The following ZNF296 variants were observed in gnomAD, a reference collection of about 807,000 sequenced individuals.
ZNF296 encodes zinc finger protein 342.
ZNF296 carries 1 observed loss-of-function variant against 13.2 expected under a neutral mutation model. The ratio of observed to expected loss-of-function variants is 0.08; its 90% CI spans 0.03 to 0.36. ZNF296 has a LOEUF of 0.36. ZNF296 is among the 10% of genes least tolerant of loss of function. The probability of loss-of-function intolerance (pLI) is 0.99; values close to 1 mark genes in which losing one functional copy is unlikely to be tolerated. For missense variants in ZNF296, 555 were observed against 688.2 expected, an observed-to-expected ratio of 0.81 and a Z score of 2.16; for synonymous variants, 303 against 289.0, an observed-to-expected ratio of 1.05 and a Z score of -0.49.
Position 45,071,657 on chromosome 19 carries a change from C to G in ZNF296, c.1372G>C (p.Ala458Pro). 1 of 1,551,018 alleles carries G rather than the reference C, an allele frequency of 6.4e-7. No individual in the cohort carries two copies. Among genetic ancestry groups the G allele is most frequent in the Non-Finnish European group, 8.7e-7 (1 of 1,150,478 alleles). Residue 458 changes from alanine to proline, a missense_variant, in exon 3 of 3, where the codon GCC (alanine) becomes CCC (proline). Physicochemically the swap from Ala to Pro is conservative, Grantham distance 27 (BLOSUM62 -1). This residue lies in a region of ZNF296 where 410 missense variants were observed against 548.0 expected (regional missense o/e 0.75). Coordinates refer to ENST00000303809, the MANE Select transcript of ZNF296 (RefSeq NM_145288.3). ...PHCHVPFGLR[A>P]TLDKHLRQKH... ...TGCCGCAGGTGTTTGTCCAGGGTGG[C>G]TCGCAGGCCGAAGGGCACATGGCAG...
At chr19:45,072,795 ACT>A (rs1186425766) in intron 2 of ZNF296, among the ~76,000 whole-genome samples, 5 of 110,468 alleles carry the variant, frequency 4.5e-5, no homozygotes, top group African/African-American at 1.6e-4. Flanking sequence ...AGACAGTCTC[ACT>A]GTCGCCCAGG....
Position 45,075,824 on chromosome 19 carries a change from T to C in ZNF296, c.337A>G (p.Thr113Ala), listed in dbSNP as rs760945622. ...AAGGTCTGCAGGCAGCGGCCGCAGG[T>C]CAACAGATCTGGGTGTTTGTCGGTC... ...PWTDKHPDLL[T>A]CGRCLQTFPL... Residue 113 changes from threonine (T) to alanine (A), a missense_variant, in exon 2 of 3, where the codon ACC becomes GCC. This residue lies in a region of ZNF296 where 410 missense variants were observed against 548.0 expected (regional missense o/e 0.75). Coordinates refer to ENST00000303809, the MANE Select transcript of ZNF296 (RefSeq NM_145288.3). 1.2e-6 allele frequency: 2 copies of C among 1,613,878 alleles called. No individual in the cohort carries two copies. Among genetic ancestry groups the C allele is most frequent in the Admixed American group, 1.7e-5 (1 of 59,986 alleles).
intron 2 of ZNF296, among the ~76,000 whole-genome samples, chr19:45,072,786 G>A (rs992846501): frequency 1.2e-5 from 1 of 84,358 alleles, no homozygotes; most frequent in African/African-American, 3.8e-5. Flanking sequence ...TTTTTTTTTA[G>A]ACAGTCTCAC....
rs1195062149 is a variant in ZNF296 at position 45,072,453 on chromosome 19, C to T, written c.576G>A (p.Pro192=). Residue 192 remains proline, a synonymous_variant, in exon 3 of 3, where the codon CCG becomes CCA. Transcript: ENST00000303809. ...LSIYQTESEA[P]EAPLLGLAEV... is the part of the protein sequence containing the mutation. ...CGGCCAGGCCCAGGAGCGGGGCCTC[C>T]GGGGCCTCTGATTCTGTCTGGTAGA... is the stretch of plus-strand genomic sequence containing the variant. The T allele has an allele frequency of 9.3e-6, 15 of 1,613,000 alleles. No individual in the cohort carries two copies. The highest frequency in any genetic ancestry group is 2.2e-5 in the East Asian group (1 of 44,876).
chr19:45,073,156 AAAT>A (rs1438097578), intron 2 of ZNF296, among the ~76,000 whole-genome samples: 1 of 152,176 alleles, frequency 6.6e-6, no homozygotes, highest in Non-Finnish European at 1.5e-5. Context: ...CAGGACAGGA[AAAT>A]AAGATCTCCA....
chr19:45,072,794 C>T (rs1397755646), intron 2 of ZNF296, among the ~76,000 whole-genome samples: 2 of 106,982 alleles, frequency 1.9e-5, no homozygotes, highest in African/African-American at 6.4e-5. Flanking sequence ...TAGACAGTCT[C>T]ACTGTCGCCC....
Position 45,072,449 on chromosome 19 carries a change from C to A in ZNF296, c.580G>T (p.Ala194Ser), listed in dbSNP as rs770971787. The A allele has an allele frequency of 6.2e-7, 1 of 1,612,822 alleles. No individual in the cohort carries two copies. Among genetic ancestry groups the A allele is most frequent in the African/African-American group, 1.3e-5 (1 of 74,912 alleles). Residue 194 changes from alanine to serine, a missense_variant, in exon 3 of 3, where the codon GCC (alanine) becomes TCC (serine). Ala to Ser is a moderately conservative substitution (Grantham distance 99). Transcript: ENST00000303809. The part of the protein sequence containing the change: ...IYQTESEAPE[A>S]PLLGLAEVAA... ...ACCTCGGCCAGGCCCAGGAGCGGGG[C>A]CTCCGGGGCCTCTGATTCTGTCTGG...
rs773166114 is a variant in ZNF296 at position 45,072,379 on chromosome 19, T to G, written c.650A>C (p.Lys217Thr). The change falls in exon 3 of 3, where the codon AAG (lysine) becomes ACG (threonine). Residue 217 changes from lysine to threonine, a missense_variant. Lys to Thr is a moderately conservative substitution (Grantham distance 78). Around this residue, in one of 3 missense-constraint regions of ZNF296, gnomAD observed 410 missense variants for 548.0 expected, o/e 0.75. Transcript: ENST00000303809. The part of the protein sequence containing the change: ...SAVVGPAAEA[K>T]SPRASGSGLT... Reference sequence around the variant, plus strand: ...GCCGCTGCCACTTGCACGGGGGCTCTTGGCCTCAGCTGCTGGCCCCACCAC... The same window carrying G: ...GCCGCTGCCACTTGCACGGGGGCTCGTGGCCTCAGCTGCTGGCCCCACCAC... 6.2e-7 allele frequency: 1 copy of G among 1,612,552 alleles called. No homozygotes were observed. The highest frequency in any genetic ancestry group is 8.5e-7 in the Non-Finnish European group (1 of 1,179,768).
chr19:45,075,569 G>A (rs1600126174), intron 2 of ZNF296, 144 bp downstream of exon 2: 2 of 558,316 alleles, frequency 3.6e-6, no homozygotes, highest in Non-Finnish European at 5.3e-6. Flanking sequence ...AGGACGGGCA[G>A]GCCCTGGCCA....
rs1397529218 is a variant in ZNF296, at chr19:45,073,557, C to T, written c.449-977G>A. Reference sequence around the variant, plus strand: ...CGATCTCCTGACCTCATGATCTGCCCGCCTCAGCCTCCCAAAGTGCTGGGA... The same window carrying T: ...CGATCTCCTGACCTCATGATCTGCCTGCCTCAGCCTCCCAAAGTGCTGGGA... On this transcript the variant is annotated intron_variant, in intron 2 of 2. Coordinates refer to ENST00000303809, the MANE Select transcript of ZNF296 (RefSeq NM_145288.3). Among the ~76,000 whole-genome samples the T allele has an allele frequency of 8.0e-5, 12 of 150,700 alleles. No homozygotes were observed. In the East Asian group the frequency reaches 1.4e-3, roughly 18 times the overall value.
Position 45,071,894 on chromosome 19 carries a change from C to G in ZNF296, c.1135G>C (p.Gly379Arg). The change falls in exon 3 of 3, where the codon GGC becomes CGC. Residue 379 changes from glycine to arginine, a missense_variant. This residue lies in a region of ZNF296 where 410 missense variants were observed against 548.0 expected (regional missense o/e 0.75). Transcript: ENST00000303809. ...ASPKKMPKSG[G>R]KSRGPGGSCE... ...CTGCCCCCGGGCCCGCGGCTCTTGC[C>G]CCCTGACTTGGGCATCTTTTTGGGT... The G allele has an allele frequency of 6.2e-7, 1 of 1,613,374 alleles. No individual in the cohort carries two copies. The highest frequency in any genetic ancestry group is 8.5e-7 in the Non-Finnish European group (1 of 1,180,008).
In ZNF296 at chr19:45,072,527, C is replaced by T. The variant is rs1967276144; in HGVS notation, c.502G>A (p.Val168Met). 1 of 1,613,508 alleles carries T rather than the reference C, an allele frequency of 6.2e-7. No homozygotes were observed. The highest frequency in any genetic ancestry group is 8.5e-7 in the Non-Finnish European group (1 of 1,179,846). ...SCLRCGKQFTVAWKLLRHAQW... is the reference protein window; with the variant it reads ...SCLRCGKQFTMAWKLLRHAQW... The stretch of plus-strand genomic sequence containing the variant: ...GCGTGACGCAGCAGCTTCCAGGCCA[C>T]TGTGAACTGTTTGCCACAGCGCAGG... The change falls in exon 3 of 3, where the codon GTG becomes ATG. Residue 168 changes from valine to methionine, a missense_variant. Physicochemically the swap from Val to Met is conservative, Grantham distance 21. This residue lies in a region of ZNF296 where 410 missense variants were observed against 548.0 expected (regional missense o/e 0.75). Transcript: ENST00000303809.
Position 45,071,558 on chromosome 19 carries a change from G to A in ZNF296, c.*43C>T, listed in dbSNP as rs747210172. ...GGCAAAAACGAGGAGGTCAATGGGT[G>A]TTGGCAGCGGTACCAGGGACAGTGA... On this transcript the variant is annotated 3_prime_UTR_variant, in exon 3 of 3. Transcript: ENST00000303809. 1.3e-6 allele frequency: 2 copies of A among 1,500,144 alleles called. No individual in the cohort carries two copies. Among genetic ancestry groups the A allele is most frequent in the Non-Finnish European group, 1.8e-6 (2 of 1,133,982 alleles). The allele number at this position is 1,500,144 out of a possible 1,614,324, so 92.9% of individuals were successfully genotyped here. A position where few individuals can be genotyped will look rare whatever the true frequency, so the allele number is the denominator to read the frequency against.
In ZNF296 at chr19:45,075,853, G is replaced by A. The variant is rs751557082; in HGVS notation, c.308C>T (p.Pro103Leu). 1.2e-5 allele frequency: 20 copies of A among 1,613,918 alleles called. No individual in the cohort carries two copies. The Admixed American group carries it at 3.2e-4, about 26-fold the overall frequency. ...CAGATCTGGGTGTTTGTCGGTCCAGGGCTGGCGGTCTGCAGGGAGGAAGCG... is the reference window on the plus strand; with the variant it reads ...CAGATCTGGGTGTTTGTCGGTCCAGAGCTGGCGGTCTGCAGGGAGGAAGCG... Reference protein sequence around the residue: ...PLTPNYPDRQPWTDKHPDLLT... With the variant: ...PLTPNYPDRQLWTDKHPDLLT... The change falls in exon 2 of 3, where the codon CCC (proline) becomes CTC (leucine). Residue 103 changes from proline (P) to leucine (L), a missense_variant. Around this residue, in one of 3 missense-constraint regions of ZNF296, gnomAD observed 410 missense variants for 548.0 expected, o/e 0.75. Transcript: ENST00000303809.
Position 45,072,596 on chromosome 19 carries a change from G to C in ZNF296, c.449-16C>G, listed in dbSNP as rs773775353. ...TCCTCTCGTTCTGGTAAGAAAAAGA[G>C]GCAGAGTGTTAGTGCGGACAGCTGC... On this transcript the variant is annotated splice_polypyrimidine_tract_variant and intron_variant, in intron 2 of 2. Coordinates refer to ENST00000303809, the MANE Select transcript of ZNF296 (RefSeq NM_145288.3). The C allele has an allele frequency of 1.7e-4, 271 of 1,579,478 alleles. No individual in the cohort carries two copies. In the African/African-American group the frequency reaches 3.3e-3, roughly 19 times the overall value.
Position 45,074,797 on chromosome 19 carries a change from T to C in ZNF296, c.448+916A>G, listed in dbSNP as rs938057343. On this transcript the variant is annotated intron_variant, in intron 2 of 2. Transcript: ENST00000303809. ...ACATAAGCGCTCAAACAGCAGAGCC[T>C]GTGAAACCAAGGTGCCCATGATTCT... 2.0e-5 allele frequency among the ~76,000 whole-genome samples: 3 copies of C among 152,200 alleles called. No homozygotes were observed. In the South Asian group the frequency reaches 6.2e-4, roughly 31 times the overall value.
At chr19:45,074,817 G>T (rs1967314562) in intron 2 of ZNF296, among the ~76,000 whole-genome samples, 5 of 152,146 alleles carry the variant, frequency 3.3e-5, no homozygotes, top group Admixed American at 3.3e-4. Context: ...AGGTGCCCAT[G>T]ATTCTCCAAG....
In ZNF296 at chr19:45,072,193, T is replaced by G; in HGVS notation, c.836A>C (p.Lys279Thr). The change falls in exon 3 of 3, where the codon AAG becomes ACG. Residue 279 changes from lysine (K) to threonine (T), a missense_variant. Lys to Thr is a moderately conservative substitution (Grantham distance 78). This residue lies in a region of ZNF296 where 410 missense variants were observed against 548.0 expected (regional missense o/e 0.75). Coordinates refer to ENST00000303809, the MANE Select transcript of ZNF296 (RefSeq NM_145288.3). ...CTGGGGCGGCACCTGCCGGTGGGTC[T>G]TCTTGTGGCGGTTGAGCTTGCTGCT... ...AQSSKLNRHKKTHRQVPPQSP... is the reference protein window; with the variant it reads ...AQSSKLNRHKTTHRQVPPQSP... 1 of 1,602,526 alleles carries G rather than the reference T, an allele frequency of 6.2e-7. No individual in the cohort carries two copies. The highest frequency in any genetic ancestry group is 8.5e-7 in the Non-Finnish European group (1 of 1,174,468).
rs781729127 is a variant in ZNF296, at chr19:45,076,113, C to T, written c.261G>A (p.Pro87=). 32 of 1,571,394 alleles carry T rather than the reference C, an allele frequency of 2.0e-5. No homozygotes were observed. In the South Asian group the frequency reaches 3.6e-4, roughly 18 times the overall value. Residue 87 remains proline (P), a synonymous_variant, in exon 1 of 3, where the codon CCG becomes CCA. Transcript: ENST00000303809. This position sits in a 1 kb window ranked among gnomAD's most constrained non-coding sequence, Gnocchi z 4.9. ...GGGTCAACGGCGTCCACAGGGTCCACGGGTTCCGCGGGCCGAGGGCGAGGA... is the reference window on the plus strand; with the variant it reads ...GGGTCAACGGCGTCCACAGGGTCCATGGGTTCCGCGGGCCGAGGGCGAGGA... ...AALLALGPRN[P]WTLWTPLTPN...
Sources: allele counts gnomAD v4.1 joint callset (sites outside exome capture counted in the v4.1 genomes callset), GRCh38; gene constraint gnomAD v4.1.1; regional missense constraint gnomAD v4.1.1; non-coding constraint Gnocchi (gnomAD v3.1); transcripts MANE v1.5; gene names NCBI Gene and HGNC (gene_info 2026-07-23, HGNC 2026-07-21).